FGD4: variants seen among roughly 807,000 people sequenced by gnomAD.
FGD4 encodes FYVE, RhoGEF and PH domain-containing protein 4.
FGD4 carries 42 observed loss-of-function variants against 102.0 expected under a neutral mutation model. That is an observed-to-expected ratio of 0.41 (90% CI 0.32 to 0.53). FGD4 has a LOEUF of 0.53. FGD4 is among the 20% of genes least tolerant of loss of function. FGD4 has a pLI of 0.21. For missense variants in FGD4, 902 were observed against 1,078.2 expected (o/e 0.84, Z 2.29); for synonymous variants, 380 against 375.7 (o/e 1.01, Z -0.13).
Position 32,619,721 on chromosome 12 carries a change from T to C in FGD4, c.1773T>C (p.Cys591=), listed in dbSNP as rs1949684758. ...AGTTCAACAACATGTTGCTGTACTGTGTGCCCAAATTCAGCTTGGTAGGCT... is the reference window on the plus strand; with the variant it reads ...AGTTCAACAACATGTTGCTGTACTGCGTGCCCAAATTCAGCTTGGTAGGCT... ...LFLFNNMLLY[C]VPKFSLVGSK... is the part of the protein sequence containing the mutation. The change falls in exon 11 of 17, where the codon TGT becomes TGC. Residue 591 remains cysteine (C), a synonymous_variant. Coordinates refer to ENST00000534526, the MANE Select transcript of FGD4 (RefSeq NM_001370298.3). 3 of 1,614,186 alleles carry C rather than the reference T, an allele frequency of 1.9e-6. No individual in the cohort carries two copies. The highest frequency in any genetic ancestry group is 1.6e-4 in the Middle Eastern group (1 of 6,062).
chr12:32,421,753 G>A (rs747103819), intron 1 of FGD4, among the ~76,000 whole-genome samples: 8 of 151,874 alleles, frequency 5.3e-5, no homozygotes, highest in Non-Finnish European at 7.4e-5. Context: ...TGCTTTAAAA[G>A]CAAAAAACAA....
chr12:32,446,809 C>A lies in FGD4; in HGVS notation c.166+46850C>A, dbSNP rs77672398. 7.5e-4 allele frequency among the ~76,000 whole-genome samples: 114 copies of A among 152,202 alleles called. No homozygotes were observed. The East Asian group carries it at 0.015, about 21-fold the overall frequency. ...TAATGCCTAGAGCGCGTAGAGATACCAAAGACCTGCAGTGGGGACACTGAG... is the reference window on the plus strand; with the variant it reads ...TAATGCCTAGAGCGCGTAGAGATACAAAAGACCTGCAGTGGGGACACTGAG... On this transcript the variant is annotated intron_variant, in intron 1 of 16. Coordinates refer to ENST00000534526, the MANE Select transcript of FGD4 (RefSeq NM_001370298.3).
chr12:32,618,751 G>T (rs1448951740), intron 10 of FGD4, among the ~76,000 whole-genome samples: 1 of 152,010 alleles, frequency 6.6e-6, no homozygotes, highest in African/African-American at 2.4e-5. Context: ...CAGGAGGATT[G>T]CTTGAGTTCA....
chr12:32,417,120 G>A (rs1419200588), intron 1 of FGD4, among the ~76,000 whole-genome samples: 2 of 151,880 alleles, frequency 1.3e-5, no homozygotes, highest in African/African-American at 2.4e-5. Context: ...GGTCTCAAAC[G>A]CCTGACCTCG....
chr12:32,640,920 G>A lies in FGD4; in HGVS notation c.*387G>A, dbSNP rs1951126426. 2 of 374,696 alleles carry A rather than the reference G, an allele frequency of 5.3e-6. No individual in the cohort carries two copies. The highest frequency in any genetic ancestry group is 3.7e-5 in the South Asian group (1 of 27,098). The allele number at this position is 374,696 out of a possible 1,614,324, so 23.2% of individuals were successfully genotyped here. A position where few individuals can be genotyped will look rare whatever the true frequency, so the allele number is the denominator to read the frequency against. On this transcript the variant is annotated 3_prime_UTR_variant, in exon 17 of 17. Transcript: ENST00000534526. ...AACAGTTTGAAAGATATACCTCCATGTTGCCAAAATAGATCCATGGTGAAA... is the reference window on the plus strand; with the variant it reads ...AACAGTTTGAAAGATATACCTCCATATTGCCAAAATAGATCCATGGTGAAA...
At chr12:32,488,658 T>C (rs1461282609) in intron 1 of FGD4, among the ~76,000 whole-genome samples, 1 of 152,176 alleles carries the variant, frequency 6.6e-6, no homozygotes, top group Non-Finnish European at 1.5e-5. Flanking sequence ...AAAAATAAGT[T>C]GGCTGGGCAC....
intron 10 of FGD4, among the ~76,000 whole-genome samples, chr12:32,616,611 T>G (rs1248307977): frequency 6.6e-6 from 1 of 152,214 alleles, no homozygotes; most frequent in Non-Finnish European, 1.5e-5. Context: ...AAGCACCATT[T>G]TTATTTTCTT....
intron 4 of FGD4, among the ~76,000 whole-genome samples, chr12:32,593,984 A>G (rs1218414899): frequency 1.3e-5 from 2 of 152,222 alleles, no homozygotes; most frequent in African/African-American, 4.8e-5. Context: ...AAAGATCACT[A>G]GGTACCAGGA....
chr12:32,572,337 G>GCT (rs1179382792), intron 2 of FGD4, among the ~76,000 whole-genome samples: 1 of 152,136 alleles, frequency 6.6e-6, no homozygotes, highest in African/African-American at 2.4e-5. Flanking sequence ...AAGCTTACTT[G>GCT]CTCTAGGGAG....
At chr12:32,474,015 G>A (rs1431425582) in intron 1 of FGD4, among the ~76,000 whole-genome samples, 1 of 152,004 alleles carries the variant, frequency 6.6e-6, no homozygotes, top group Admixed American at 6.6e-5. Context: ...GTGAACCCAG[G>A]AGGCAGAGGT....
At chr12:32,498,911 T>A (rs921060115) in intron 1 of FGD4, among the ~76,000 whole-genome samples, 1 of 152,178 alleles carries the variant, frequency 6.6e-6, no homozygotes, top group African/African-American at 2.4e-5. Context: ...GTTATTAGTT[T>A]TTTTGTACCA....
intron 1 of FGD4, 30 bp from the exon 2 acceptor site, chr12:32,564,107 T>A: frequency 6.5e-7 from 1 of 1,530,738 alleles, no homozygotes. Context: ...CCTCCATACT[T>A]ACCTGCCCTT....
chr12:32,599,955 A>G (rs1312203580), intron 5 of FGD4, among the ~76,000 whole-genome samples: 2 of 152,180 alleles, frequency 1.3e-5, no homozygotes, highest in Non-Finnish European at 2.9e-5. Flanking sequence ...AGTGTTACTT[A>G]TAAGAATTGT....
At chr12:32,466,896 G>A (rs1460979309) in intron 1 of FGD4, among the ~76,000 whole-genome samples, 4 of 144,112 alleles carry the variant, frequency 2.8e-5, no homozygotes, top group South Asian at 4.4e-4. Context: ...AAAAAAATTA[G>A]CAATTACACC....
chr12:32,472,891 G>A (rs937810192), intron 1 of FGD4, among the ~76,000 whole-genome samples: 1 of 152,120 alleles, frequency 6.6e-6, no homozygotes, highest in Admixed American at 6.5e-5. Flanking sequence ...TGAGGACGTG[G>A]AGAACCTTTA....
intron 1 of FGD4, among the ~76,000 whole-genome samples, chr12:32,534,785 G>T (rs1306754619): frequency 1.3e-5 from 2 of 152,154 alleles, no homozygotes; most frequent in Non-Finnish European, 2.9e-5. Context: ...GGTCATTGAG[G>T]GGAGAAATAT....
At chr12:32,502,950 G>T (rs537622142) in intron 1 of FGD4, among the ~76,000 whole-genome samples, 56 of 152,182 alleles carry the variant, frequency 3.7e-4, no homozygotes, top group Non-Finnish European at 7.1e-4. Context: ...TATTTCAAGG[G>T]CTTCCTTTGT....
At chr12:32,600,795 C>T (rs560291288) in intron 5 of FGD4, among the ~76,000 whole-genome samples, 1 of 151,872 alleles carries the variant, frequency 6.6e-6, no homozygotes, top group East Asian at 1.9e-4. Flanking sequence ...ATGATGTTCC[C>T]CTTTCCCAAG....
chr12:32,410,587 A>G (rs1253387286), intron 1 of FGD4, among the ~76,000 whole-genome samples: 7 of 152,222 alleles, frequency 4.6e-5, no homozygotes, highest in African/African-American at 1.7e-4. Flanking sequence ...TAGCACCAGC[A>G]AGTGTTCTGG....
Sources: allele counts gnomAD v4.1 joint callset (sites outside exome capture counted in the v4.1 genomes callset), GRCh38; gene constraint gnomAD v4.1.1; transcripts MANE v1.5; gene names NCBI Gene and HGNC (gene_info 2026-07-23, HGNC 2026-07-21).